Variants in PLEKHG7 observed in about 807,000 individuals in gnomAD.
The protein encoded by PLEKHG7 is pleckstrin homology domain-containing family G member 7.
A neutral mutation model predicts 85.2 loss-of-function variants in PLEKHG7; 77 were observed. That is an observed-to-expected ratio of 0.90 (90% CI 0.75 to 1.09). The LOEUF is 1.09. Among genes scored for constraint, PLEKHG7 ranks in the 50% least tolerant of loss-of-function variants. The probability of loss-of-function intolerance (pLI) is 0.00; values close to 1 mark genes in which losing one functional copy is unlikely to be tolerated. For synonymous variants in PLEKHG7, 301 were observed against 302.4 expected (o/e 1.00, Z 0.05); for missense variants, 777 against 804.3 (o/e 0.97, Z 0.41).
chr12:92,713,114 G>A (rs998063158), intron 3 of PLEKHG7, among the ~76,000 whole-genome samples: 1 of 152,322 alleles, frequency 6.6e-6, no homozygotes, highest in Non-Finnish European at 1.5e-5. Context: ...GGACGGCAGA[G>A]CAAGGCTGCA....
chr12:92,742,746 G>A (rs1345177127), intron 9 of PLEKHG7, among the ~76,000 whole-genome samples: 1 of 151,716 alleles, frequency 6.6e-6, no homozygotes, highest in Admixed American at 6.6e-5. Flanking sequence ...CCACCACGCC[G>A]AGTTAATTTT....
intron 5 of PLEKHG7, among the ~76,000 whole-genome samples, chr12:92,732,592 A>C (rs961315862): frequency 6.6e-6 from 1 of 152,210 alleles, no homozygotes; most frequent in Non-Finnish European, 1.5e-5. Flanking sequence ...GATGAAGCAA[A>C]CTTGCACAAA....
At chr12:92,767,513 C>G (rs1873238578) in intron 15 of PLEKHG7, among the ~76,000 whole-genome samples, 1 of 149,880 alleles carries the variant, frequency 6.7e-6, no homozygotes, top group Non-Finnish European at 1.5e-5. Context: ...TTTTTTTTCC[C>G]CAGAAAGTCA....
chr12:92,717,762 T>C (rs1391912506), intron 3 of PLEKHG7, among the ~76,000 whole-genome samples: 2 of 152,316 alleles, frequency 1.3e-5, no homozygotes, highest in East Asian at 3.9e-4. Flanking sequence ...TACACACCAT[T>C]GAGGTTTGTG....
Position 92,737,448 on chromosome 12 carries a change from A to G in PLEKHG7, c.866A>G (p.Gln289Arg). Residue 289 changes from glutamine (Q) to arginine (R), a missense_variant, in exon 7 of 17, where the codon CAG becomes CGG. Transcript: ENST00000344636. The part of the protein sequence containing the change: ...LPTDQLDLKK[Q>R]QEAVWELFTS... ...ACCGATCAATTAGACCTGAAAAAGC[A>G]GCAAGAGGCCGTGTGGGAACTTTTC... 6.3e-7 allele frequency: 1 copy of G among 1,585,634 alleles called. No individual in the cohort carries two copies. The highest frequency in any genetic ancestry group is 2.3e-5 in the East Asian group (1 of 44,246).
chr12:92,709,557 A>T (rs954740542), intron 3 of PLEKHG7, among the ~76,000 whole-genome samples: 1 of 152,250 alleles, frequency 6.6e-6, no homozygotes, highest in Non-Finnish European at 1.5e-5. Context: ...TGTGAGTCTT[A>T]AATCAAGGAA....
rs1180503332 is a variant in PLEKHG7, at chr12:92,739,583, GCTCA to G, written c.940-1267_940-1264del. Among the ~76,000 whole-genome samples, 6 of 152,282 alleles carry G rather than the reference GCTCA, an allele frequency of 3.9e-5. No individual in the cohort carries two copies. The South Asian group carries it at 8.3e-4, about 21-fold the overall frequency. The stretch of plus-strand genomic sequence containing the variant: ...CCTGTTTAAGAAAAGGCCAATTTGA[GCTCA>G]CTGTCAAATACCTCAGTGTATTTAA... On this transcript the variant is annotated intron_variant, in intron 7 of 16. Transcript: ENST00000344636.
At position 92,770,917 on chromosome 12, in the gene PLEKHG7, A is replaced by G. The variant is rs535391876; in HGVS notation, c.*722A>G. On this transcript the variant is annotated 3_prime_UTR_variant, in exon 17 of 17. Coordinates refer to ENST00000344636, the MANE Select transcript of PLEKHG7 (RefSeq NM_001377329.1). ...GTGAAGTGTACAGATTTTCATAGACATAGTAAGGTATCTGTCTCTTAACTT... is the reference window on the plus strand; with the variant it reads ...GTGAAGTGTACAGATTTTCATAGACGTAGTAAGGTATCTGTCTCTTAACTT... 1 of 152,168 alleles carries G rather than the reference A, an allele frequency of 6.6e-6. No individual in the cohort carries two copies. The highest frequency in any genetic ancestry group is 1.5e-5 in the Non-Finnish European group (1 of 67,966). The allele number at this position is 152,168 out of a possible 1,614,324, so 9.4% of individuals were successfully genotyped here.
At chr12:92,756,585 C>T (rs531074138) in intron 13 of PLEKHG7, among the ~76,000 whole-genome samples, 194 bp downstream of exon 13, 1 of 152,306 alleles carries the variant, frequency 6.6e-6, no homozygotes, top group Middle Eastern at 3.4e-3. Context: ...TAGCTAGGTG[C>T]TCTCTGTTTT....
intron 3 of PLEKHG7, chr12:92,721,566 TG>T: frequency 7.0e-6 from 2 of 287,680 alleles, no homozygotes; most frequent in Non-Finnish European, 9.7e-6. Context: ...ACATGGTGGG[TG>T]GGGGTGGGGA....
chr12:92,707,860 C>A, intron 3 of PLEKHG7, 188 bp downstream of exon 3: 1 of 935,066 alleles, frequency 1.1e-6, no homozygotes, highest in Non-Finnish European at 1.6e-6. Context: ...CCTTTAAGAG[C>A]ACAGCATTTG....
At chr12:92,749,987 T>TTA (rs1872646709) in intron 10 of PLEKHG7, among the ~76,000 whole-genome samples, 1 of 114,430 alleles carries the variant, frequency 8.7e-6, no homozygotes, top group African/African-American at 3.7e-5. Flanking sequence ...TTTTATTTTA[T>TTA]TATTTTATTT....
At position 92,752,658 on chromosome 12, in the gene PLEKHG7, G is replaced by A. The variant is rs368013053; in HGVS notation, c.1252-1432G>A. Among the ~76,000 whole-genome samples, 167 of 152,318 alleles carry A rather than the reference G, an allele frequency of 1.1e-3. 1 individual carries two copies. The highest frequency in any genetic ancestry group is 3.1e-3 in the Admixed American group (47 of 15,302). On this transcript the variant is annotated intron_variant, in intron 10 of 16. Coordinates refer to ENST00000344636, the MANE Select transcript of PLEKHG7 (RefSeq NM_001377329.1). ...GTCACAAGGCAAAGGATTTAACCTG[G>A]AGAATGAAAGGAGAATGGAAGGTGG...
chr12:92,763,975 G>A, intron 14 of PLEKHG7, 66 bp from the exon 15 acceptor site: 2 of 1,380,900 alleles, frequency 1.4e-6, no homozygotes, highest in South Asian at 1.4e-5. Context: ...GCTTACAGAT[G>A]CACTTTAGAT....
intron 10 of PLEKHG7, among the ~76,000 whole-genome samples, chr12:92,748,195 C>T (rs1872588821): frequency 6.6e-6 from 1 of 151,266 alleles, no homozygotes; most frequent in Non-Finnish European, 1.5e-5. Flanking sequence ...TGTGTGACAT[C>T]CAGGGATATT....
chr12:92,737,440 G>A lies in PLEKHG7; in HGVS notation c.858G>A (p.Leu286=). The A allele has an allele frequency of 5.7e-6, 9 of 1,584,778 alleles. No homozygotes were observed. Among genetic ancestry groups the A allele is most frequent in the African/African-American group, 1.4e-5 (1 of 73,172 alleles). Reference sequence around the variant, plus strand: ...AACTCCCGACCGATCAATTAGACCTGAAAAAGCAGCAAGAGGCCGTGTGGG... The same window carrying A: ...AACTCCCGACCGATCAATTAGACCTAAAAAAGCAGCAAGAGGCCGTGTGGG... ...HHKLPTDQLD[L]KKQQEAVWEL... Residue 286 remains leucine (L), a synonymous_variant, in exon 7 of 17, where the codon CTG becomes CTA. Transcript: ENST00000344636.
chr12:92,752,185 C>T (rs1184182111), intron 10 of PLEKHG7, among the ~76,000 whole-genome samples: 1 of 152,104 alleles, frequency 6.6e-6, no homozygotes, highest in Non-Finnish European at 1.5e-5. Context: ...AGAAAGAACT[C>T]TCTCTTTCCA....
At chr12:92,731,127 G>A (rs997660694) in intron 4 of PLEKHG7, among the ~76,000 whole-genome samples, 1 of 152,296 alleles carries the variant, frequency 6.6e-6, no homozygotes, top group Non-Finnish European at 1.5e-5. Context: ...AGGCTCCAAA[G>A]CTAGAAAAGC....
chr12:92,705,492 G>T (rs112113854), intron 1 of PLEKHG7, among the ~76,000 whole-genome samples: 1 of 152,380 alleles, frequency 6.6e-6, no homozygotes, highest in African/African-American at 2.4e-5. Flanking sequence ...TCAGATTGCT[G>T]AGTTCTGCTT....
Sources: allele counts gnomAD v4.1 joint callset (sites outside exome capture counted in the v4.1 genomes callset), GRCh38; gene constraint gnomAD v4.1.1; transcripts MANE v1.5; gene names NCBI Gene and HGNC (gene_info 2026-07-23, HGNC 2026-07-21).